ATP1B4: variants seen among roughly 807,000 people sequenced by gnomAD.
ATP1B4 encodes the protein ATPase Na+/K+ transporting family member beta 4, also known as protein ATP1B4.
ATP1B4 carries 32 observed loss-of-function variants against 29.6 expected under a neutral mutation model. That is an observed-to-expected ratio of 1.08 (90% CI 0.82 to 1.45). ATP1B4 has a LOEUF of 1.45. Ranked by LOEUF, ATP1B4 falls within the 40% of genes most tolerant of loss-of-function variation. The probability of loss-of-function intolerance (pLI) is 0.00; values close to 1 mark genes in which losing one functional copy is unlikely to be tolerated. For synonymous variants in ATP1B4, 127 were observed against 102.1 expected (o/e 1.24, Z -1.47); for missense variants, 323 against 276.2 (o/e 1.17, Z -1.20).
At chrX:120,371,031 G>T (rs775011926) in intron 3 of ATP1B4, 75 bp from the exon 4 acceptor site, 25 of 1,049,438 alleles carry the variant, frequency 2.4e-5, no homozygotes, top group Middle Eastern at 2.5e-4. Context: ...GGGGGGAAAT[G>T]GTTTCATGGG....
intron 1 of ATP1B4, among the ~76,000 whole-genome samples, chrX:120,364,724 T>C (rs1400314129): frequency 8.9e-6 from 1 of 112,052 alleles, no homozygotes; most frequent in Non-Finnish European, 1.9e-5. Flanking sequence ...AATCTTTTTT[T>C]GTGTTTTTTT....
chrX:120,369,570 A>G (rs913173633), intron 2 of ATP1B4, among the ~76,000 whole-genome samples: 2 of 112,076 alleles, frequency 1.8e-5, no homozygotes, highest in Non-Finnish European at 3.8e-5. Context: ...TTCTGTGAGC[A>G]GAGCCAAACA....
At chrX:120,378,603 G>T in intron 6 of ATP1B4, 75 bp from the exon 7 acceptor site, 1 of 871,343 alleles carries the variant, frequency 1.1e-6, no homozygotes, top group Non-Finnish European at 1.7e-6. Context: ...TTTCACCTGG[G>T]TACAACTCCC....
chrX:120,363,049 A>G (rs576736289), intron 1 of ATP1B4, among the ~76,000 whole-genome samples: 1 of 112,512 alleles, frequency 8.9e-6, no homozygotes, highest in South Asian at 3.6e-4. Context: ...TTATTTTGCT[A>G]TAAGTCATTA....
chrX:120,362,841 A>G (rs2058269147), intron 1 of ATP1B4, among the ~76,000 whole-genome samples: 1 of 111,947 alleles, frequency 8.9e-6, no homozygotes, highest in South Asian at 3.8e-4. Context: ...TGAAAATGCA[A>G]TATCCTCACT....
chrX:120,377,990 G>A (rs1323121158), intron 6 of ATP1B4, among the ~76,000 whole-genome samples: 1 of 111,700 alleles, frequency 9.0e-6, no homozygotes, highest in African/African-American at 3.3e-5. Context: ...TCACAGAATG[G>A]GCAGCCCCTA....
At chrX:120,375,302 C>T (rs1188329925) in intron 4 of ATP1B4, 70 bp from the exon 5 acceptor site, 1 of 961,959 alleles carries the variant, frequency 1.0e-6, no homozygotes, top group African/African-American at 2.0e-5. Flanking sequence ...GGAGGGAGGA[C>T]TACTGAACGC....
Position 120,365,838 on chromosome X carries a change from G to A in ATP1B4, c.64-687G>A, listed in dbSNP as rs146174366. Among the ~76,000 whole-genome samples the A allele has an allele frequency of 4.7e-4, 53 of 112,126 alleles. 1 individual carries two copies. In the East Asian group the frequency reaches 0.014, roughly 29 times the overall value. On this transcript the variant is annotated intron_variant, in intron 1 of 7. Transcript: ENST00000218008. ...ATTACGTGCCCAGCTTTTTGCCTAA[G>A]CATAGGGGGAGACTAAGGAAGCCCG...
At chrX:120,367,387 T>C (rs941646367) in intron 2 of ATP1B4, among the ~76,000 whole-genome samples, 3 of 112,361 alleles carry the variant, frequency 2.7e-5, no homozygotes, top group African/African-American at 9.7e-5. Context: ...GGGTGTCTTC[T>C]TCTGCTATGA....
chrX:120,365,141 C>T (rs5910845), intron 1 of ATP1B4, among the ~76,000 whole-genome samples: 37,983 of 110,799 alleles, frequency 0.34, 6,105 homozygotes, highest in Middle Eastern at 0.54. Context: ...GTTCCGAGAC[C>T]GTCAACTCTA....
At chrX:120,375,217 G>A (rs920061703) in intron 4 of ATP1B4, among the ~76,000 whole-genome samples, 155 bp from the exon 5 acceptor site, 6 of 59,224 alleles carry the variant, frequency 1.0e-4, no homozygotes, top group Non-Finnish European at 2.5e-4. Flanking sequence ...AGGCTGTTGG[G>A]CACCTGATGC....
intron 4 of ATP1B4, among the ~76,000 whole-genome samples, chrX:120,373,621 A>G (rs770974001): frequency 8.0e-5 from 9 of 112,331 alleles, no homozygotes; most frequent in Non-Finnish European, 1.7e-4. Flanking sequence ...GCCCAGTTTT[A>G]TGTATGAAAT....
Position 120,378,741 on chromosome X carries a change from C to T in ATP1B4, c.880C>T (p.Arg294Cys), listed in dbSNP as rs762329093. The change falls in exon 7 of 8, where the codon CGC (arginine) becomes TGC (cysteine). Residue 294 changes from arginine to cysteine, a missense_variant. Arg to Cys is a radical substitution (Grantham distance 180). Transcript: ENST00000218008. ...CCCAGAGTCGGCTTCTTTTGACCTC[C>T]GCTACTACCCTTACTACGGCAAACT... ...YYPESASFDL[R>C]YYPYYGKLTH... 21 of 1,208,546 alleles carry T rather than the reference C, an allele frequency of 1.7e-5. No homozygotes were observed. The highest frequency in any genetic ancestry group is 5.3e-5 in the South Asian group (3 of 56,741).
In ATP1B4 at chrX:120,379,645, G is replaced by T. The variant is rs191829376; in HGVS notation, c.*11G>T. On this transcript the variant is annotated 3_prime_UTR_variant, in exon 8 of 8. Transcript: ENST00000218008. ...AACATAGAAACTTAAGAACTTCAGG[G>T]GGCCATTCTTACCAGTTCTGTTTCT... The T allele has an allele frequency of 3.4e-6, 4 of 1,193,506 alleles. No individual in the cohort carries two copies. The highest frequency in any genetic ancestry group is 4.5e-6 in the Non-Finnish European group (4 of 888,038).
intron 1 of ATP1B4, among the ~76,000 whole-genome samples, chrX:120,364,216 G>T (rs768591785): frequency 8.9e-6 from 1 of 111,991 alleles, no homozygotes; most frequent in African/African-American, 3.2e-5. Flanking sequence ...GGCAGGCATA[G>T]GTAACATGGA....
rs747866992 is a variant in ATP1B4 at position 120,371,098 on chromosome X, A to C, written c.458-8A>C. On this transcript the variant is annotated splice_polypyrimidine_tract_variant and splice_region_variant and intron_variant, in intron 3 of 7. Coordinates refer to ENST00000218008, the MANE Select transcript of ATP1B4 (RefSeq NM_001142447.3). ...GTTAATATATCCAAGACCTGTTTTC[A>C]TTGCCAGGAGTTATGATCAGACCCT... 10 of 1,200,830 alleles carry C rather than the reference A, an allele frequency of 8.3e-6. No homozygotes were observed. The highest frequency in any genetic ancestry group is 4.4e-5 in the Admixed American group (2 of 45,662).
Position 120,362,159 on chromosome X carries a change from C to T in ATP1B4, c.-10C>T, listed in dbSNP as rs766043688. On this transcript the variant is annotated 5_prime_UTR_variant, in exon 1 of 8. Transcript: ENST00000218008. ...CCTGCCTCTGCTGCGTCTTTGCCCACTGAACAGCCATGAGAAGGCAACTCC... is the reference window on the plus strand; with the variant it reads ...CCTGCCTCTGCTGCGTCTTTGCCCATTGAACAGCCATGAGAAGGCAACTCC... 1.1e-5 allele frequency: 13 copies of T among 1,209,716 alleles called. No individual in the cohort carries two copies. The highest frequency in any genetic ancestry group is 3.5e-5 in the African/African-American group (2 of 57,763).
Position 120,366,679 on chromosome X carries a change from G to A in ATP1B4, c.218G>A (p.Gly73Asp), listed in dbSNP as rs1232026247. The change falls in exon 2 of 8, where the codon GGT becomes GAT. Residue 73 changes from glycine (G) to aspartate (D), a missense_variant. Coordinates refer to ENST00000218008, the MANE Select transcript of ATP1B4 (RefSeq NM_001142447.3). ...EEEEEKEEEE[G>D]QGQPTGNAWW... is the part of the protein sequence containing the mutation. ...GAGGAGGAAAAGGAGGAGGAAGAGGGTCAAGGTCAGCCAACAGGCAATGCC... is the reference window on the plus strand; with the variant it reads ...GAGGAGGAAAAGGAGGAGGAAGAGGATCAAGGTCAGCCAACAGGCAATGCC... The A allele has an allele frequency of 2.5e-6, 3 of 1,208,974 alleles. No homozygotes were observed. The highest frequency in any genetic ancestry group is 1.1e-6 in the Non-Finnish European group (1 of 894,785).
intron 7 of ATP1B4, 86 bp downstream of exon 7, chrX:120,378,859 G>C: frequency 7.0e-6 from 6 of 855,934 alleles, no homozygotes; most frequent in South Asian, 2.1e-5. Flanking sequence ...GAATTAGGGA[G>C]CAGGAGATAG....
Sources: gnomAD v4.1 joint callset for allele counts (sites outside exome capture counted in the v4.1 genomes callset) on GRCh38, gnomAD v4.1.1 for gene constraint, MANE v1.5 for transcripts, NCBI Gene and HGNC (gene_info 2026-07-23, HGNC 2026-07-21) for gene names.